The following TMEFF2 variants were observed in gnomAD, a reference collection of about 807,000 sequenced individuals.
TMEFF2 encodes tomoregulin-2.
TMEFF2 carries 28 observed loss-of-function variants against 53.8 expected under a neutral mutation model. That is an observed-to-expected ratio of 0.52 (90% CI 0.39 to 0.71). The LOEUF (loss-of-function observed/expected upper bound fraction) is 0.71, where lower values mean the gene tolerates loss of function less well. Ranked by LOEUF, TMEFF2 falls within the 30% of genes least tolerant of loss-of-function variation. TMEFF2 has a pLI of 0.00. For synonymous variants in TMEFF2, 162 were observed against 166.3 expected (o/e 0.97, Z 0.20); for missense variants, 353 against 455.2 (o/e 0.78, Z 2.04).
intron 7 of TMEFF2, among the ~76,000 whole-genome samples, chr2:191,993,301 A>T (rs1350680810): frequency 6.6e-6 from 1 of 152,066 alleles, no homozygotes; most frequent in Non-Finnish European, 1.5e-5. Context: ...TTTCTTCCAC[A>T]TTTCAGACCT....
rs747260173 is a variant in TMEFF2 at position 192,065,210 on chromosome 2, C to T, written c.440-7435G>A. Among the ~76,000 whole-genome samples the T allele has an allele frequency of 5.3e-5, 8 of 151,854 alleles. No homozygotes were observed. The Middle Eastern group carries it at 0.01, about 194-fold the overall frequency. ...ATATTTTGGCTTTCTCCCAATGTAA[C>T]GCTACTCTTCCTACTTTATGCATGG... On this transcript the variant is annotated intron_variant, in intron 4 of 9. Coordinates refer to ENST00000272771, the MANE Select transcript of TMEFF2 (RefSeq NM_016192.4).
In TMEFF2 at chr2:192,069,038, C is replaced by T. The variant is rs192408485; in HGVS notation, c.440-11263G>A. Among the ~76,000 whole-genome samples, 162 of 151,124 alleles carry T rather than the reference C, an allele frequency of 1.1e-3. 2 individuals are homozygous for T. In the South Asian group the frequency reaches 0.022, roughly 21 times the overall value. The stretch of plus-strand genomic sequence containing the variant: ...TAGAAAGAATGGCAAAAACGGAATT[C>T]AGTGCCTGTAATTAGCTTCAGTCTT... On this transcript the variant is annotated intron_variant, in intron 4 of 9. Coordinates refer to ENST00000272771, the MANE Select transcript of TMEFF2 (RefSeq NM_016192.4).
chr2:192,029,986 C>T (rs1687087618), intron 5 of TMEFF2, among the ~76,000 whole-genome samples: 1 of 152,082 alleles, frequency 6.6e-6, no homozygotes, highest in Non-Finnish European at 1.5e-5. Flanking sequence ...CTCCACTGTG[C>T]ATTTGTGTAA....
chr2:191,981,805 T>TA (rs527584260), intron 7 of TMEFF2, among the ~76,000 whole-genome samples: 72 of 152,300 alleles, frequency 4.7e-4, no homozygotes, highest in African/African-American at 1.7e-3. Flanking sequence ...ATAAGGAAAT[T>TA]ACTAATTAAA....
intron 5 of TMEFF2, among the ~76,000 whole-genome samples, 200 bp from the exon 6 acceptor site, chr2:191,999,408 G>T (rs1238329655): frequency 2.1e-5 from 2 of 97,380 alleles, no homozygotes; most frequent in Non-Finnish European, 4.2e-5. Flanking sequence ...TCAAACAACT[G>T]AGCAATGGAT....
intron 4 of TMEFF2, among the ~76,000 whole-genome samples, chr2:192,129,220 C>T (rs1188866607): frequency 3.3e-5 from 5 of 152,182 alleles, no homozygotes; most frequent in Non-Finnish European, 7.3e-5. Context: ...TCCTCAAGCA[C>T]ATATTCTGGA....
chr2:192,193,254 G>C (rs1396390123), intron 1 of TMEFF2, among the ~76,000 whole-genome samples: 1 of 152,116 alleles, frequency 6.6e-6, no homozygotes, highest in Admixed American at 6.5e-5. Flanking sequence ...GCTAAAACTA[G>C]AACAGACCAC....
intron 5 of TMEFF2, among the ~76,000 whole-genome samples, chr2:192,013,659 A>G (rs1188916240): frequency 6.6e-6 from 1 of 152,170 alleles, no homozygotes; most frequent in Non-Finnish European, 1.5e-5. Context: ...TATGTTGACC[A>G]GGCTAGTCTC....
chr2:192,041,769 T>C (rs1453378017), intron 5 of TMEFF2, among the ~76,000 whole-genome samples: 1 of 152,182 alleles, frequency 6.6e-6, no homozygotes, highest in Non-Finnish European at 1.5e-5. Context: ...ACAGTGGAAA[T>C]ACTTTTCATG....
chr2:191,990,945 G>A (rs1160288499), intron 7 of TMEFF2, among the ~76,000 whole-genome samples: 1 of 151,822 alleles, frequency 6.6e-6, no homozygotes, highest in Non-Finnish European at 1.5e-5. Flanking sequence ...GACTTTGAAG[G>A]TTACATTGAG....
At chr2:192,066,358 T>G (rs1688169581) in intron 4 of TMEFF2, among the ~76,000 whole-genome samples, 1 of 151,826 alleles carries the variant, frequency 6.6e-6, no homozygotes, top group Non-Finnish European at 1.5e-5. Context: ...AATTTTAAAT[T>G]GATTTTAATG....
intron 5 of TMEFF2, among the ~76,000 whole-genome samples, chr2:192,002,387 T>C (rs1278552454): frequency 1.6e-4 from 25 of 152,196 alleles, no homozygotes; most frequent in Admixed American, 1.6e-3. Context: ...TCTATATACT[T>C]GCATATATTA....
chr2:192,023,792 A>G (rs963962711), intron 5 of TMEFF2, among the ~76,000 whole-genome samples: 6 of 152,102 alleles, frequency 3.9e-5, no homozygotes, highest in African/African-American at 1.2e-4. Context: ...CATCACCTCT[A>G]TAGCTCCTTT....
At chr2:192,139,111 T>C (rs934083673) in intron 4 of TMEFF2, among the ~76,000 whole-genome samples, 5 of 152,148 alleles carry the variant, frequency 3.3e-5, no homozygotes, top group African/African-American at 4.8e-5. Context: ...GAAGAACATA[T>C]AACCAAGGTT....
intron 7 of TMEFF2, among the ~76,000 whole-genome samples, chr2:191,996,209 T>C (rs572352449): frequency 6.6e-6 from 1 of 152,078 alleles, no homozygotes; most frequent in Admixed American, 6.6e-5. Context: ...ATGATATTTA[T>C]TGGAATAACT....
chr2:192,075,300 T>TATATAA, intron 4 of TMEFF2, among the ~76,000 whole-genome samples: 1 of 40,112 alleles, frequency 2.5e-5, no homozygotes, highest in South Asian at 6.5e-4. Flanking sequence ...TATATATATA[T>TATATAA]ATATATATAT....
chr2:192,055,774 C>CAAAAAA (rs71405038), intron 5 of TMEFF2, among the ~76,000 whole-genome samples: 41 of 42,466 alleles, frequency 9.7e-4, no homozygotes, highest in East Asian at 3.5e-3. Flanking sequence ...GACTCCATCT[C>CAAAAAA]AAAAAAAAAA....
chr2:192,113,550 G>C (rs923693280), intron 4 of TMEFF2, among the ~76,000 whole-genome samples: 1 of 152,066 alleles, frequency 6.6e-6, no homozygotes, highest in African/African-American at 2.4e-5. Flanking sequence ...TAGAAATAAT[G>C]TGGAATAAAC....
rs1686272440 is a variant in TMEFF2 at position 191,998,285 on chromosome 2, T to C, written c.722A>G (p.His241Arg). ...ACCTGCATAATCTGTTCTTGCATAA[T>C]GCCCATCTTCAGACTTAGTAGTTGT... ...TTTTTKSEDG[H>R]YARTDYAENA... The change falls in exon 7 of 10, where the codon CAT becomes CGT. Residue 241 changes from histidine to arginine, a missense_variant. His to Arg is a conservative substitution (Grantham distance 29). Around this residue, in one of 3 missense-constraint regions of TMEFF2, gnomAD observed 294 missense variants for 397.3 expected, o/e 0.74. Coordinates refer to ENST00000272771, the MANE Select transcript of TMEFF2 (RefSeq NM_016192.4). 6.2e-7 allele frequency: 1 copy of C among 1,601,272 alleles called. No homozygotes were observed. Among genetic ancestry groups the C allele is most frequent in the Non-Finnish European group, 8.5e-7 (1 of 1,174,388 alleles).
Sources: allele counts gnomAD v4.1 joint callset (sites outside exome capture counted in the v4.1 genomes callset), GRCh38; gene constraint gnomAD v4.1.1; regional missense constraint gnomAD v4.1.1; transcripts MANE v1.5; gene names NCBI Gene and HGNC (gene_info 2026-07-23, HGNC 2026-07-21).